The following PRX variants were observed in gnomAD, a reference collection of about 807,000 sequenced individuals.
The protein encoded by PRX is periaxin.
A neutral mutation model predicts 29.6 loss-of-function variants in PRX; 24 were observed. That is an observed-to-expected ratio of 0.81 (90% CI 0.59 to 1.14). The LOEUF is 1.14. Ranked by LOEUF, PRX falls within the 50% of genes most tolerant of loss-of-function variation. The pLI, the probability that PRX is intolerant of heterozygous loss-of-function variation, is 0.00. For synonymous variants in PRX, 772 were observed against 831.7 expected, an observed-to-expected ratio of 0.93 and a Z score of 1.24; for missense variants, 1,838 against 1,926.4, an observed-to-expected ratio of 0.95 and a Z score of 0.86.
Position 40,397,893 on chromosome 19 carries a change from AGG to A in PRX, c.457_458del (p.Pro153CysfsTer2). 6.2e-7 allele frequency: 1 copy of A among 1,611,976 alleles called. No homozygotes were observed. The highest frequency in any genetic ancestry group is 8.5e-7 in the Non-Finnish European group (1 of 1,179,066). ...TGGGAAAGGAGAACTCGACGTCAAC[AGG>A]GGCCAGGTCAGCGGGGACCCCCAGA... ...GALGVPADLA[P>X]VDVEFSFPKF... On this transcript the variant is annotated frameshift_variant, in exon 7 of 7. Coordinates refer to ENST00000324001, the MANE Select transcript of PRX (RefSeq NM_181882.3). LOFTEE classifies it low-confidence loss of function (END_TRUNC).
intron 5 of PRX, among the ~76,000 whole-genome samples, chr19:40,399,904 T>TTTCTTTCTTTCTTTC (rs1491287157): frequency 1.5e-5 from 1 of 66,192 alleles, no homozygotes; most frequent in Non-Finnish European, 2.8e-5. Flanking sequence ...TCTTTCTTTC[T>TTTCTTTCTTTCTTTC]TTTTCTTTCT....
intron 5 of PRX, among the ~76,000 whole-genome samples, chr19:40,400,321 G>A (rs1395712515): frequency 2.0e-5 from 3 of 147,232 alleles, no homozygotes; most frequent in South Asian, 4.4e-4. Flanking sequence ...CGCCAGGTGC[G>A]GTGGCTCATG....
Position 40,396,626 on chromosome 19 carries a change from T to G in PRX, c.1726A>C (p.Lys576Gln), listed in dbSNP as rs774393883. Residue 576 changes from lysine (K) to glutamine (Q), a missense_variant, in exon 7 of 7, where the codon AAA becomes CAA. Physicochemically the swap from Lys to Gln is moderately conservative, Grantham distance 53. Transcript: ENST00000324001. Reference sequence around the variant, plus strand: ...TCAGGGACTTTCATCTCTGGCACTTTCGGCAGCTGCACCTCTGGAAGCCGC... The same window carrying G: ...TCAGGGACTTTCATCTCTGGCACTTGCGGCAGCTGCACCTCTGGAAGCCGC... Reference protein sequence around the residue: ...EVRLPEVQLPKVPEMKVPEMK... With the variant: ...EVRLPEVQLPQVPEMKVPEMK... The G allele has an allele frequency of 6.2e-7, 1 of 1,613,988 alleles. No individual in the cohort carries two copies. The highest frequency in any genetic ancestry group is 8.5e-7 in the Non-Finnish European group (1 of 1,179,996).
At chr19:40,403,995 C>T in intron 4 of PRX, 133 bp from the exon 5 acceptor site, 1 of 1,061,968 alleles carries the variant, frequency 9.4e-7, no homozygotes. Flanking sequence ...GGGGGACGGT[C>T]TCGCCACACT....
At position 40,398,525 on chromosome 19, in the gene PRX, C is replaced by A; in HGVS notation, c.381+95G>T. The A allele has an allele frequency of 6.3e-7, 1 of 1,584,868 alleles. No individual in the cohort carries two copies. ...CTTGGGTTAGTGACAAGACAGAGGG[C>A]AAGGCTGGCCCACGATGGCGGGGAA... is the stretch of plus-strand genomic sequence containing the variant. On this transcript the variant is annotated intron_variant, in intron 6 of 6. Transcript: ENST00000324001. This position sits in a 1 kb window ranked among gnomAD's most constrained non-coding sequence, Gnocchi z 6.3.
intron 5 of PRX, among the ~76,000 whole-genome samples, chr19:40,399,474 C>T (rs1347121413): frequency 2.0e-5 from 3 of 152,184 alleles, no homozygotes; most frequent in Non-Finnish European, 4.4e-5. Flanking sequence ...ACACCTCTGA[C>T]CCTGCTTTCC....
At position 40,398,497 on chromosome 19, in the gene PRX, T is replaced by C. The variant is rs1481876109; in HGVS notation, c.381+123A>G. On this transcript the variant is annotated intron_variant, in intron 6 of 6. Transcript: ENST00000324001. This position sits in a 1 kb window ranked among gnomAD's most constrained non-coding sequence, Gnocchi z 6.3. Reference sequence around the variant, plus strand: ...GAGAGGAAGGGGCAGAGGGTGGAATTAGCTTGGGTTAGTGACAAGACAGAG... The same window carrying C: ...GAGAGGAAGGGGCAGAGGGTGGAATCAGCTTGGGTTAGTGACAAGACAGAG... 2 of 1,556,744 alleles carry C rather than the reference T, an allele frequency of 1.3e-6. No individual in the cohort carries two copies. Among genetic ancestry groups the C allele is most frequent in the Non-Finnish European group, 1.7e-6 (2 of 1,154,178 alleles).
chr19:40,410,601 C>T (rs750002643), intron 1 of PRX, among the ~76,000 whole-genome samples: 2 of 152,088 alleles, frequency 1.3e-5, no homozygotes, highest in African/African-American at 4.8e-5. Context: ...GGGCTGGGCG[C>T]GTGGCTTAGG....
At chr19:40,404,417 G>T (rs2079518260) in intron 4 of PRX, among the ~76,000 whole-genome samples, 1 of 149,148 alleles carries the variant, frequency 6.7e-6, no homozygotes, top group Non-Finnish European at 1.5e-5. Context: ...GGTCGGGAGG[G>T]CGGGGCTGGG....
chr19:40,395,326 A>C lies in PRX; in HGVS notation c.3026T>G (p.Val1009Gly). 1.2e-6 allele frequency: 2 copies of C among 1,613,506 alleles called. No homozygotes were observed. The highest frequency in any genetic ancestry group is 1.7e-6 in the Non-Finnish European group (2 of 1,179,980). The change falls in exon 7 of 7, where the codon GTG (valine) becomes GGG (glycine). Residue 1009 changes from valine to glycine, a missense_variant. By Grantham distance (109) the Val-to-Gly change is moderately radical. Around this residue, in one of 3 missense-constraint regions of PRX, gnomAD observed 1,143 missense variants for 1,193.0 expected, o/e 0.96. Transcript: ENST00000324001. ...CTTGAACTTGAGGTCGGCCCCTGCC[A>C]CCTCTACCTTGCCTGAGGGCAGGTG... is the stretch of plus-strand genomic sequence containing the variant. ...DAHLPSGKVE[V>G]AGADLKFKGP... is the part of the protein sequence containing the mutation.
intron 5 of PRX, among the ~76,000 whole-genome samples, chr19:40,399,879 C>CT (rs1207479189): frequency 1.4e-5 from 1 of 71,914 alleles, no homozygotes; most frequent in Non-Finnish European, 3.0e-5. Flanking sequence ...TTCTTTCTTT[C>CT]TTTCTTTCTT....
chr19:40,395,936 T>C lies in PRX; in HGVS notation c.2416A>G (p.Met806Val). The C allele has an allele frequency of 2.5e-6, 4 of 1,614,206 alleles. No homozygotes were observed. The highest frequency in any genetic ancestry group is 2.2e-5 in the South Asian group (2 of 91,090). Residue 806 changes from methionine to valine, a missense_variant, in exon 7 of 7, where the codon ATG becomes GTG. Met to Val is a conservative substitution (Grantham distance 21, BLOSUM62 1). Transcript: ENST00000324001. ...GACTCTGCCCTCCCTAGCTTGGGCA[T>C]GGTCATCTTGGGCATCTTGAAGCCA... ...EFGFKMPKMT[M>V]PKLGRAESPS...
chr19:40,398,457 G>A lies in PRX; in HGVS notation c.381+163C>T. On this transcript the variant is annotated intron_variant, in intron 6 of 6. Coordinates refer to ENST00000324001, the MANE Select transcript of PRX (RefSeq NM_181882.3). The surrounding 1 kb of genome is among the most constrained non-coding windows in gnomAD (Gnocchi z 6.3). ...GGGTGGGTCTGTCCCCCTTCCCGGGGAAGAGTTTGGGGCAGAGAGGAAGGG... is the reference window on the plus strand; with the variant it reads ...GGGTGGGTCTGTCCCCCTTCCCGGGAAAGAGTTTGGGGCAGAGAGGAAGGG... The A allele has an allele frequency of 6.6e-7, 1 of 1,521,118 alleles. No individual in the cohort carries two copies. Among genetic ancestry groups the A allele is most frequent in the Non-Finnish European group, 8.8e-7 (1 of 1,139,004 alleles). 94.2% of individuals were successfully genotyped at this position (1,521,118 alleles called of 1,614,324 possible).
At chr19:40,405,812 T>A in intron 4 of PRX, among the ~76,000 whole-genome samples, 1 of 151,514 alleles carries the variant, frequency 6.6e-6, no homozygotes. Flanking sequence ...CTAATTTTTG[T>A]ATTCTTAGTA....
Position 40,395,200 on chromosome 19 carries a change from C to A in PRX, c.3152G>T (p.Gly1051Val). 1 of 1,614,164 alleles carries A rather than the reference C, an allele frequency of 6.2e-7. No homozygotes were observed. The highest frequency in any genetic ancestry group is 1.3e-5 in the African/African-American group (1 of 75,050). Residue 1051 changes from glycine (G) to valine (V), a missense_variant, in exon 7 of 7, where the codon GGC becomes GTC. Gly to Val is a moderately radical substitution (Grantham distance 109). Around this residue, in one of 3 missense-constraint regions of PRX, gnomAD observed 1,143 missense variants for 1,193.0 expected, o/e 0.96. Transcript: ENST00000324001. ...GVAELEGKGW[G>V]WDGRVKMPKL... is the part of the protein sequence containing the mutation. ...GGGCATCTTCACCCTCCCATCCCAGCCCCAGCCCTTGCCCTCCAACTCAGC... is the reference window on the plus strand; with the variant it reads ...GGGCATCTTCACCCTCCCATCCCAGACCCAGCCCTTGCCCTCCAACTCAGC...
intron 4 of PRX, among the ~76,000 whole-genome samples, chr19:40,404,145 G>A (rs747732000): frequency 4.7e-4 from 72 of 152,272 alleles, no homozygotes; most frequent in South Asian, 1.4e-3. Context: ...CACGCCCCTC[G>A]GCGCTGCCCT....
Position 40,394,498 on chromosome 19 carries a change from C to A in PRX, c.3854G>T (p.Gly1285Val). Reference sequence around the variant, plus strand: ...CACCTGGTACTCGGCATGGTTGCCCCCGGATGGCGAGAGCTCCACGTCGGG... The same window carrying A: ...CACCTGGTACTCGGCATGGTTGCCCACGGATGGCGAGAGCTCCACGTCGGG... ...SLPDVELSPS[G>V]GNHAEYQVAE... The change falls in exon 7 of 7, where the codon GGG becomes GTG. Residue 1285 changes from glycine (G) to valine (V), a missense_variant. Gly to Val is a moderately radical substitution (Grantham distance 109). Coordinates refer to ENST00000324001, the MANE Select transcript of PRX (RefSeq NM_181882.3). The surrounding 1 kb of genome is among the most constrained non-coding windows in gnomAD (Gnocchi z 5.8). 6.3e-7 allele frequency: 1 copy of A among 1,599,708 alleles called. No individual in the cohort carries two copies. The highest frequency in any genetic ancestry group is 8.5e-7 in the Non-Finnish European group (1 of 1,173,804).
rs1298913150 is a variant in PRX, at chr19:40,397,559, C to A, written c.793G>T (p.Gly265Cys). ...KAAPSAEAAG[G>C]FALHLPTLGL... ...AGGGTTGGCAGGTGGAGGGCAAAGC[C>A]ACCAGCTGCCTCTGCTGAGGGGGCA... is the stretch of plus-strand genomic sequence containing the variant. Residue 265 changes from glycine to cysteine, a missense_variant, in exon 7 of 7, where the codon GGC becomes TGC. Physicochemically the swap from Gly to Cys is radical, Grantham distance 159. Transcript: ENST00000324001. 1 of 1,540,868 alleles carries A rather than the reference C, an allele frequency of 6.5e-7. No homozygotes were observed. The highest frequency in any genetic ancestry group is 8.7e-7 in the Non-Finnish European group (1 of 1,145,440).
At position 40,396,437 on chromosome 19, in the gene PRX, C is replaced by G. The variant is rs753275847; in HGVS notation, c.1915G>C (p.Val639Leu). 2 of 1,603,874 alleles carry G rather than the reference C, an allele frequency of 1.2e-6. No individual in the cohort carries two copies. Among genetic ancestry groups the G allele is most frequent in the Non-Finnish European group, 1.7e-6 (2 of 1,176,044 alleles). ...ATCTCGGGCACCTTCGGGAGTTTCA[C>G]CTCAGGGAGTTTCATCTCAGGGAGC... ...MKLPEMKLPE[V>L]KLPKVPEMAV... Residue 639 changes from valine to leucine, a missense_variant, in exon 7 of 7, where the codon GTG (valine) becomes CTG (leucine). By Grantham distance (32) the Val-to-Leu change is conservative (BLOSUM62 1). This residue lies in a region of PRX where 1,143 missense variants were observed against 1,193.0 expected (regional missense o/e 0.96). Transcript: ENST00000324001.
Sources: gnomAD v4.1 joint callset for allele counts (sites outside exome capture counted in the v4.1 genomes callset) on GRCh38, gnomAD v4.1.1 for gene constraint, gnomAD v4.1.1 regional missense constraint, Gnocchi (gnomAD v3.1) non-coding constraint, MANE v1.5 for transcripts, NCBI Gene and HGNC (gene_info 2026-07-23, HGNC 2026-07-21) for gene names.